Variants in SLC2A4 observed in about 807,000 individuals in gnomAD.
SLC2A4 encodes solute carrier family 2 member 4, also known as solute carrier family 2, facilitated glucose transporter member 4.
In SLC2A4, 31 loss-of-function variants were observed where a neutral mutation model predicts 53.3. The ratio of observed to expected loss-of-function variants is 0.58; its 90% CI spans 0.44 to 0.78. The LOEUF is 0.78. Ranked by LOEUF, SLC2A4 falls within the 30% of genes least tolerant of loss-of-function variation. SLC2A4 has a pLI of 0.00. For missense variants in SLC2A4, 538 were observed against 655.7 expected (o/e 0.82, Z 1.96); for synonymous variants, 276 against 281.9 (o/e 0.98, Z 0.21).
At position 7,283,528 on chromosome 17, in the gene SLC2A4, C is replaced by T; in HGVS notation, c.206C>T (p.Pro69Leu). ...TWLGRQGPEG[P>L]SSIPPGTLTT... ...CTGGGGAGGCAGGGGCCTGAGGGAC[C>T]CAGCTCCATCCCTCCAGGCACCCTC... Residue 69 changes from proline (P) to leucine (L), a missense_variant, in exon 3 of 11, where the codon CCC (proline) becomes CTC (leucine). Coordinates refer to ENST00000317370, the MANE Select transcript of SLC2A4 (RefSeq NM_001042.3). The surrounding 1 kb of genome is among the most constrained non-coding windows in gnomAD (Gnocchi z 5.8). 1 of 1,613,878 alleles carries T rather than the reference C, an allele frequency of 6.2e-7. No individual in the cohort carries two copies. Among genetic ancestry groups the T allele is most frequent in the Middle Eastern group, 1.6e-4 (1 of 6,062 alleles).
rs2072468853 is a variant in SLC2A4 at position 7,288,237 on chromosome 17, G to A, written c.*1608G>A. On this transcript the variant is annotated 3_prime_UTR_variant, in exon 11 of 11. Transcript: ENST00000317370. ...TTACTAGCGATTCTCCAAAACAGAA[G>A]AGATGGAGACCAAGACCACAGGAAA... 6.4e-6 allele frequency: 1 copy of A among 155,796 alleles called. No homozygotes were observed. Among genetic ancestry groups the A allele is most frequent in the Admixed American group, 6.3e-5 (1 of 15,918 alleles). The allele number at this position is 155,796 out of a possible 1,614,324, so 9.7% of individuals were successfully genotyped here.
In SLC2A4 at chr17:7,282,190, A is replaced by G. The variant is rs2072408192; in HGVS notation, c.33+223A>G. On this transcript the variant is annotated intron_variant, in intron 1 of 10. Coordinates refer to ENST00000317370, the MANE Select transcript of SLC2A4 (RefSeq NM_001042.3). This position sits in a 1 kb window ranked among gnomAD's most constrained non-coding sequence, Gnocchi z 4.1. ...AGGGCCTTTCGGGGCACAGGCAGCA[A>G]GTGGATTCTGCGAGCCAGGGTTCAC... is the stretch of plus-strand genomic sequence containing the variant. 1.9e-5 allele frequency: 12 copies of G among 626,218 alleles called. No homozygotes were observed. The South Asian group carries it at 2.1e-4, about 11-fold the overall frequency. The allele number at this position is 626,218 out of a possible 1,614,324, so 38.8% of individuals were successfully genotyped here. A position where few individuals can be genotyped will look rare whatever the true frequency, so the allele number is the denominator to read the frequency against.
Position 7,285,249 on chromosome 17 carries a change from C to A in SLC2A4, c.1122+60C>A. 1 of 1,371,088 alleles carries A rather than the reference C, an allele frequency of 7.3e-7. No individual in the cohort carries two copies. The highest frequency in any genetic ancestry group is 2.0e-5 in the Admixed American group (1 of 50,978). 84.9% of individuals were successfully genotyped at this position (1,371,088 alleles called of 1,614,324 possible). A position where few individuals can be genotyped will look rare whatever the true frequency, so the allele number is the denominator to read the frequency against. On this transcript the variant is annotated intron_variant, in intron 9 of 10. Coordinates refer to ENST00000317370, the MANE Select transcript of SLC2A4 (RefSeq NM_001042.3). This position sits in a 1 kb window ranked among gnomAD's most constrained non-coding sequence, Gnocchi z 6.0. ...ACCCCATGGGAATGGTCCTGTGAGT[C>A]TCTGTGACCAGCCAGGGTCCCTTCT...
At chr17:7,286,354 T>C in intron 10 of SLC2A4, 72 bp from the exon 11 acceptor site, 1 of 1,328,004 alleles carries the variant, frequency 7.5e-7, no homozygotes, top group Non-Finnish European at 1.1e-6. Context: ...GGCCTTTAGC[T>C]CCTGGTTGCC....
At position 7,284,717 on chromosome 17, in the gene SLC2A4, T is replaced by C; in HGVS notation, c.915+45T>C. 1.2e-6 allele frequency: 2 copies of C among 1,611,506 alleles called. No individual in the cohort carries two copies. Among genetic ancestry groups the C allele is most frequent in the Non-Finnish European group, 8.5e-7 (1 of 1,178,136 alleles). On this transcript the variant is annotated intron_variant, in intron 7 of 10. Transcript: ENST00000317370. The surrounding 1 kb of genome is among the most constrained non-coding windows in gnomAD (Gnocchi z 7.5). ...CAGGCAGGGCACAGCCCCGGGAGGG[T>C]AGACGAGAGTGGGGAGCAAACCCCC...
At position 7,285,619 on chromosome 17, in the gene SLC2A4, G is replaced by A; in HGVS notation, c.1123-86G>A. 1.0e-5 allele frequency: 14 copies of A among 1,334,466 alleles called. No homozygotes were observed. Among genetic ancestry groups the A allele is most frequent in the Admixed American group, 1.8e-5 (1 of 56,090 alleles). 82.7% of individuals were successfully genotyped at this position (1,334,466 alleles called of 1,614,324 possible). Reference sequence around the variant, plus strand: ...CCCCCTACAAGCTGCTGCGGAGGGGGTTAGGTTTCACTTCTCTGAGTTGAG... The same window carrying A: ...CCCCCTACAAGCTGCTGCGGAGGGGATTAGGTTTCACTTCTCTGAGTTGAG... On this transcript the variant is annotated intron_variant, in intron 9 of 10. Coordinates refer to ENST00000317370, the MANE Select transcript of SLC2A4 (RefSeq NM_001042.3). The surrounding 1 kb of genome is among the most constrained non-coding windows in gnomAD (Gnocchi z 6.0).
chr17:7,283,456 C>T lies in SLC2A4; in HGVS notation c.151-17C>T, dbSNP rs762786243. On this transcript the variant is annotated splice_polypyrimidine_tract_variant and intron_variant, in intron 2 of 10. Transcript: ENST00000317370. The surrounding 1 kb of genome is among the most constrained non-coding windows in gnomAD (Gnocchi z 5.8). The stretch of plus-strand genomic sequence containing the variant: ...AGGGGACGGTCTGCAGGAAATCTGT[C>T]CTCTGCTGTCCCCCAGGTGATTGAA... The T allele has an allele frequency of 3.1e-6, 5 of 1,612,886 alleles. No homozygotes were observed. Among genetic ancestry groups the T allele is most frequent in the Admixed American group, 3.3e-5 (2 of 59,972 alleles).
rs570017081 is a variant in SLC2A4 at position 7,283,619 on chromosome 17, T to A, written c.297T>A (p.Ile99=). Residue 99 remains isoleucine, a synonymous_variant, in exon 3 of 11, where the codon ATT becomes ATA. Transcript: ENST00000317370. This position sits in a 1 kb window ranked among gnomAD's most constrained non-coding sequence, Gnocchi z 5.8. ...SVGGMISSFL[I]GIISQWLGRK... ...GCGGCATGATTTCCTCCTTCCTCAT[T>A]GGTATCATCTCTCAGTGGCTTGGAA... is the stretch of plus-strand genomic sequence containing the variant. 1 of 1,613,818 alleles carries A rather than the reference T, an allele frequency of 6.2e-7. No homozygotes were observed. Among genetic ancestry groups the A allele is most frequent in the Admixed American group, 1.7e-5 (1 of 60,000 alleles).
chr17:7,285,304 G>C lies in SLC2A4; in HGVS notation c.1122+115G>C, dbSNP rs1387052189. ...ACACATGCTTTCAATCCTGGCGCCA[G>C]CTCCGGACCAGGACTGGGGCTGACT... On this transcript the variant is annotated intron_variant, in intron 9 of 10. Coordinates refer to ENST00000317370, the MANE Select transcript of SLC2A4 (RefSeq NM_001042.3). This position sits in a 1 kb window ranked among gnomAD's most constrained non-coding sequence, Gnocchi z 6.0. The C allele has an allele frequency of 1.1e-6, 1 of 897,144 alleles. No individual in the cohort carries two copies. Among genetic ancestry groups the C allele is most frequent in the African/African-American group, 1.6e-5 (1 of 60,712 alleles). 55.6% of individuals were successfully genotyped at this position (897,144 alleles called of 1,614,324 possible).
chr17:7,283,444 C>T lies in SLC2A4; in HGVS notation c.151-29C>T. The T allele has an allele frequency of 1.2e-6, 2 of 1,612,894 alleles. No homozygotes were observed. Among genetic ancestry groups the T allele is most frequent in the South Asian group, 1.1e-5 (1 of 91,036 alleles). ...GGGGTGGTGGAAAGGGGACGGTCTG[C>T]AGGAAATCTGTCCTCTGCTGTCCCC... On this transcript the variant is annotated intron_variant, in intron 2 of 10. Transcript: ENST00000317370. This position sits in a 1 kb window ranked among gnomAD's most constrained non-coding sequence, Gnocchi z 5.8.
At position 7,285,205 on chromosome 17, in the gene SLC2A4, T is replaced by C; in HGVS notation, c.1122+16T>C. On this transcript the variant is annotated intron_variant, in intron 9 of 10. Transcript: ENST00000317370. This position sits in a 1 kb window ranked among gnomAD's most constrained non-coding sequence, Gnocchi z 6.0. ...GCTCCTGCTGGTAAGGCCTGGAGGCTAGGAGGGGCTAGCAGCCCACCCCAT... is the reference window on the plus strand; with the variant it reads ...GCTCCTGCTGGTAAGGCCTGGAGGCCAGGAGGGGCTAGCAGCCCACCCCAT... 1.3e-6 allele frequency: 2 copies of C among 1,572,908 alleles called. No individual in the cohort carries two copies. The highest frequency in any genetic ancestry group is 1.7e-6 in the Non-Finnish European group (2 of 1,159,098).
Position 7,287,657 on chromosome 17 carries a change from C to T in SLC2A4, c.*1028C>T, listed in dbSNP as rs1047570792. ...CCTGGAAGGGTGCTGCATCCACAGGCTTTTGACCAACTAAGGCAAAGAGGG... is the reference window on the plus strand; with the variant it reads ...CCTGGAAGGGTGCTGCATCCACAGGTTTTTGACCAACTAAGGCAAAGAGGG... On this transcript the variant is annotated 3_prime_UTR_variant, in exon 11 of 11. Coordinates refer to ENST00000317370, the MANE Select transcript of SLC2A4 (RefSeq NM_001042.3). 6.6e-6 allele frequency: 1 copy of T among 152,250 alleles called. No homozygotes were observed. The highest frequency in any genetic ancestry group is 2.4e-5 in the African/African-American group (1 of 41,464). 9.4% of individuals were successfully genotyped at this position (152,250 alleles called of 1,614,324 possible). A position where few individuals can be genotyped will look rare whatever the true frequency, so the allele number is the denominator to read the frequency against.
In SLC2A4 at chr17:7,285,706, A is replaced by G. The variant is rs1293547674; in HGVS notation, c.1124A>G (p.Glu375Gly). The G allele has an allele frequency of 6.2e-7, 1 of 1,614,048 alleles. No individual in the cohort carries two copies. The highest frequency in any genetic ancestry group is 8.5e-7 in the Non-Finnish European group (1 of 1,180,014). ...CCACCCTCCCTGTCTGGCCCCTAGG[A>G]GCGAGTTCCAGCCATGAGCTACGTC... is the stretch of plus-strand genomic sequence containing the variant. ...ILMTVALLLL[E>G]RVPAMSYVSI... is the part of the protein sequence containing the mutation. The change falls in exon 10 of 11, where the codon GAG becomes GGG. Residue 375 changes from glutamate (E) to glycine (G), a missense_variant and splice_region_variant. Glu to Gly is a moderately conservative substitution (Grantham distance 98). Coordinates refer to ENST00000317370, the MANE Select transcript of SLC2A4 (RefSeq NM_001042.3). This position sits in a 1 kb window ranked among gnomAD's most constrained non-coding sequence, Gnocchi z 6.0.
chr17:7,285,883 T>C lies in SLC2A4; in HGVS notation c.1301T>C (p.Ile434Thr), dbSNP rs779990056. The C allele has an allele frequency of 5.0e-6, 8 of 1,614,008 alleles. No homozygotes were observed. Among genetic ancestry groups the C allele is most frequent in the Non-Finnish European group, 6.8e-6 (8 of 1,179,882 alleles). ...TCCAACTGGACGAGCAACTTCATCA[T>C]TGGCATGGGTTTCCAGTATGTTGCG... is the stretch of plus-strand genomic sequence containing the variant. ...GFSNWTSNFIIGMGFQYVAEA... is the reference protein window; with the variant it reads ...GFSNWTSNFITGMGFQYVAEA... The change falls in exon 10 of 11, where the codon ATT (isoleucine) becomes ACT (threonine). Residue 434 changes from isoleucine to threonine, a missense_variant. Physicochemically the swap from Ile to Thr is moderately conservative, Grantham distance 89. Coordinates refer to ENST00000317370, the MANE Select transcript of SLC2A4 (RefSeq NM_001042.3). The surrounding 1 kb of genome is among the most constrained non-coding windows in gnomAD (Gnocchi z 6.0).
At position 7,284,493 on chromosome 17, in the gene SLC2A4, C is replaced by T. The variant is rs1176244789; in HGVS notation, c.736C>T (p.Arg246Cys). Residue 246 changes from arginine (R) to cysteine (C), a missense_variant, in exon 7 of 11, where the codon CGC becomes TGC. Transcript: ENST00000317370. The surrounding 1 kb of genome is among the most constrained non-coding windows in gnomAD (Gnocchi z 7.5). The part of the protein sequence containing the change: ...LEGPARKSLK[R>C]LTGWADVSGV... Reference sequence around the variant, plus strand: ...GACCTTCCCTTCTCCAGGTCTGAAGCGCCTGACAGGCTGGGCCGATGTTTC... The same window carrying T: ...GACCTTCCCTTCTCCAGGTCTGAAGTGCCTGACAGGCTGGGCCGATGTTTC... 6.8e-6 allele frequency: 11 copies of T among 1,614,140 alleles called. No homozygotes were observed. Among genetic ancestry groups the T allele is most frequent in the African/African-American group, 2.7e-5 (2 of 74,942 alleles).
In SLC2A4 at chr17:7,282,960, G is replaced by A. The variant is rs2072415034; in HGVS notation, c.34-285G>A. 7 of 441,976 alleles carry A rather than the reference G, an allele frequency of 1.6e-5. No homozygotes were observed. Among genetic ancestry groups the A allele is most frequent in the Admixed American group, 3.4e-5 (1 of 29,726 alleles). The allele number at this position is 441,976 out of a possible 1,614,324, so 27.4% of individuals were successfully genotyped here. On this transcript the variant is annotated intron_variant, in intron 1 of 10. Coordinates refer to ENST00000317370, the MANE Select transcript of SLC2A4 (RefSeq NM_001042.3). The surrounding 1 kb of genome is among the most constrained non-coding windows in gnomAD (Gnocchi z 4.1). ...AGGTCACACAAATCTGAGCTCTTAA[G>A]GCCAAGCCTGTCTCAAGGTCACAGA... is the stretch of plus-strand genomic sequence containing the variant.
In SLC2A4 at chr17:7,286,789, G is replaced by C; in HGVS notation, c.*160G>C. ...GGAAGCTGGGGGAAGGGTGGTCTGA[G>C]CACCCCCTCATTCCCCTCGTGTGAC... On this transcript the variant is annotated 3_prime_UTR_variant, in exon 11 of 11. Coordinates refer to ENST00000317370, the MANE Select transcript of SLC2A4 (RefSeq NM_001042.3). 2.9e-6 allele frequency: 2 copies of C among 700,012 alleles called. No individual in the cohort carries two copies. The highest frequency in any genetic ancestry group is 1.6e-5 in the South Asian group (1 of 61,692). 43.4% of individuals were successfully genotyped at this position (700,012 alleles called of 1,614,324 possible).
At position 7,282,383 on chromosome 17, in the gene SLC2A4, C is replaced by G. The variant is rs1209629009; in HGVS notation, c.33+416C>G. 4.1e-5 allele frequency: 19 copies of G among 463,846 alleles called. No homozygotes were observed. Among genetic ancestry groups the G allele is most frequent in the Non-Finnish European group, 7.7e-5 (18 of 232,278 alleles). The allele number at this position is 463,846 out of a possible 1,614,324, so 28.7% of individuals were successfully genotyped here. ...GAGGCTCTCCGTGGGCCCCCACCCC[C>G]ACTCCTGGCCGCCCTCCAGGACGCT... On this transcript the variant is annotated intron_variant, in intron 1 of 10. Transcript: ENST00000317370. The surrounding 1 kb of genome is among the most constrained non-coding windows in gnomAD (Gnocchi z 4.1).
chr17:7,284,389 C>A lies in SLC2A4; in HGVS notation c.727+10C>A. On this transcript the variant is annotated intron_variant, in intron 6 of 10. Coordinates refer to ENST00000317370, the MANE Select transcript of SLC2A4 (RefSeq NM_001042.3). The surrounding 1 kb of genome is among the most constrained non-coding windows in gnomAD (Gnocchi z 7.5). ...GGGCCTGCCAGAAAGAGTAAGCTCT[C>A]CCGCTGCAGCCTGGCCCAGGCCCAT... The A allele has an allele frequency of 6.2e-7, 1 of 1,614,124 alleles. No homozygotes were observed. The highest frequency in any genetic ancestry group is 2.2e-5 in the East Asian group (1 of 44,886).
Sources: allele counts gnomAD v4.1 joint callset, GRCh38; gene constraint gnomAD v4.1.1; non-coding constraint Gnocchi (gnomAD v3.1); transcripts MANE v1.5; gene names NCBI Gene and HGNC (gene_info 2026-07-23, HGNC 2026-07-21).